Variants in KAZN observed in about 807,000 individuals in gnomAD.
The protein encoded by KAZN is kazrin.
KAZN carries 40 observed loss-of-function variants against 87.4 expected under a neutral mutation model. The ratio of observed to expected loss-of-function variants is 0.46; its 90% CI spans 0.36 to 0.60. The LOEUF (loss-of-function observed/expected upper bound fraction) is 0.60. Among genes scored for constraint, KAZN ranks in the 20% least tolerant of loss-of-function variants. The pLI is 0.00. For synonymous variants in KAZN, 466 were observed against 458.3 expected (o/e 1.02, Z -0.22); for missense variants, 898 against 1,073.9 (o/e 0.84, Z 2.29).
chr1:14,046,451 A>G (rs1272393866), intron 1 of KAZN, among the ~76,000 whole-genome samples: 2 of 152,156 alleles, frequency 1.3e-5, no homozygotes, highest in African/African-American at 4.8e-5. Context: ...AAAACATAAG[A>G]AGAAAGATGA....
intron 2 of KAZN, among the ~76,000 whole-genome samples, chr1:14,286,566 C>T (rs1434480195): frequency 6.6e-6 from 1 of 152,190 alleles, no homozygotes; most frequent in Non-Finnish European, 1.5e-5. Flanking sequence ...AAATATTAGC[C>T]ATTATTACAC....
At chr1:14,074,813 C>T (rs1296259765) in intron 1 of KAZN, among the ~76,000 whole-genome samples, 1 of 152,178 alleles carries the variant, frequency 6.6e-6, no homozygotes, top group Non-Finnish European at 1.5e-5. Flanking sequence ...TGCCAATAAC[C>T]TACTCCATGT....
chr1:14,536,105 G>A (rs763191157), intron 2 of KAZN, among the ~76,000 whole-genome samples: 3 of 152,208 alleles, frequency 2.0e-5, no homozygotes, highest in Non-Finnish European at 4.4e-5. Context: ...TAACATGCAG[G>A]CTAGAGCATG....
chr1:14,437,697 C>T (rs1373667219), intron 2 of KAZN, among the ~76,000 whole-genome samples: 4 of 152,114 alleles, frequency 2.6e-5, no homozygotes, highest in South Asian at 2.1e-4. Context: ...GCCCGTGGGT[C>T]GGACATGAGA....
intron 8 of KAZN, among the ~76,000 whole-genome samples, chr1:15,073,010 C>T (rs138127791): frequency 1.2e-4 from 18 of 152,222 alleles, no homozygotes; most frequent in African/African-American, 4.3e-4. Flanking sequence ...CATGGAACCC[C>T]GAAGGGGTTC....
intron 2 of KAZN, among the ~76,000 whole-genome samples, chr1:14,377,975 C>T (rs917668943): frequency 6.6e-6 from 1 of 152,202 alleles, no homozygotes; most frequent in Non-Finnish European, 1.5e-5. Flanking sequence ...CAGCTGACAA[C>T]CACTGGCTTA....
rs187179923 is a variant in KAZN at position 15,033,667 on chromosome 1, T to C, written c.419-1082T>C. The stretch of plus-strand genomic sequence containing the variant: ...TTGATTTGCATTTCCCCGATGACAA[T>C]TGATACCGAGTTTTTTCATGTCCCT... On this transcript the variant is annotated intron_variant, in intron 2 of 14. Transcript: ENST00000376030. 7.0e-4 allele frequency among the ~76,000 whole-genome samples: 107 copies of C among 152,338 alleles called. 1 individual carries two copies. The highest frequency in any genetic ancestry group is 1.5e-3 in the Admixed American group (23 of 15,294).
At chr1:13,989,258 A>G (rs1185752281) in intron 1 of KAZN, among the ~76,000 whole-genome samples, 4 of 151,888 alleles carry the variant, frequency 2.6e-5, no homozygotes, top group South Asian at 4.2e-4. Context: ...TTTTGGGGGG[A>G]CACATTTAAA....
At chr1:13,951,273 C>T (rs1293571859) in intron 1 of KAZN, among the ~76,000 whole-genome samples, 1 of 152,078 alleles carries the variant, frequency 6.6e-6, no homozygotes, top group Non-Finnish European at 1.5e-5. Context: ...GTTAGCCTAT[C>T]CAAGTTCAAA....
At chr1:14,262,155 T>C (rs1205133252) in intron 2 of KAZN, among the ~76,000 whole-genome samples, 1 of 152,182 alleles carries the variant, frequency 6.6e-6, no homozygotes, top group African/African-American at 2.4e-5. Context: ...GACTCACCCC[T>C]GTAATCCCAG....
chr1:14,804,691 G>C (rs924133094), intron 1 of KAZN, among the ~76,000 whole-genome samples: 2 of 152,196 alleles, frequency 1.3e-5, no homozygotes, highest in Non-Finnish European at 2.9e-5. Flanking sequence ...GACACATCAG[G>C]CTCTTTGGTT....
chr1:14,902,718 C>G (rs534788969), intron 1 of KAZN, among the ~76,000 whole-genome samples: 2 of 152,098 alleles, frequency 1.3e-5, no homozygotes, highest in Non-Finnish European at 2.9e-5. Flanking sequence ...GCCAGGGCTG[C>G]CCACCCAGAA....
At chr1:14,624,526 T>A (rs1678966241) in intron 1 of KAZN, among the ~76,000 whole-genome samples, 1 of 152,224 alleles carries the variant, frequency 6.6e-6, no homozygotes, top group South Asian at 2.1e-4. Flanking sequence ...GTTCTGTCAT[T>A]ATGTGCAGAA....
chr1:15,004,001 C>T (rs1405945804), intron 2 of KAZN, among the ~76,000 whole-genome samples: 1 of 152,148 alleles, frequency 6.6e-6, no homozygotes, highest in African/African-American at 2.4e-5. Flanking sequence ...CTTCTCCAGG[C>T]TTTAAAGGAC....
chr1:14,523,428 G>A (rs4073451), intron 2 of KAZN, among the ~76,000 whole-genome samples: 4,103 of 152,244 alleles, frequency 0.027, 169 homozygotes, highest in African/African-American at 0.093. Flanking sequence ...CTCCCAGCTC[G>A]GAGCTTGTGG....
chr1:14,528,013 ATC>A (rs1491010204), intron 2 of KAZN, among the ~76,000 whole-genome samples: 1 of 142,422 alleles, frequency 7.0e-6, no homozygotes, highest in East Asian at 2.0e-4. Context: ...CTATCTATCT[ATC>A]TATCTATCTA....
intron 2 of KAZN, among the ~76,000 whole-genome samples, chr1:14,452,644 G>A (rs1667339885): frequency 6.9e-6 from 1 of 144,884 alleles, no homozygotes; most frequent in African/African-American, 2.6e-5. Flanking sequence ...GAGTCAGATG[G>A]AAAGTGCCTA....
chr1:15,018,845 C>T (rs1670382610), intron 2 of KAZN, among the ~76,000 whole-genome samples: 3 of 152,172 alleles, frequency 2.0e-5, no homozygotes, highest in Admixed American at 1.3e-4. Flanking sequence ...CTCCCATTAA[C>T]AGCTGTCTTC....
At chr1:14,039,699 G>T (rs936266160) in intron 1 of KAZN, among the ~76,000 whole-genome samples, 1 of 152,178 alleles carries the variant, frequency 6.6e-6, no homozygotes, top group Non-Finnish European at 1.5e-5. Context: ...GCATGCTGTT[G>T]ATCAATATAA....
Sources: gnomAD v4.1 joint callset for allele counts (sites outside exome capture counted in the v4.1 genomes callset) on GRCh38, gnomAD v4.1.1 for gene constraint, MANE v1.5 for transcripts, NCBI Gene and HGNC (gene_info 2026-07-23, HGNC 2026-07-21) for gene names.